ADAD1: variants seen among roughly 807,000 people sequenced by gnomAD.
ADAD1 encodes the protein adenosine deaminase domain-containing protein 1.
A neutral mutation model predicts 66.8 loss-of-function variants in ADAD1; 46 were observed. The observed-to-expected ratio is 0.69, with a 90% CI of 0.54 to 0.88. The LOEUF (loss-of-function observed/expected upper bound fraction) is 0.88, where lower values mean the gene tolerates loss of function less well. ADAD1 is among the 40% of genes least tolerant of loss of function. The pLI is 0.00. For synonymous variants in ADAD1, 248 were observed against 229.4 expected (o/e 1.08, Z -0.73); for missense variants, 617 against 681.8 (o/e 0.91, Z 1.06).
At chr4:122,418,154 CA>C (rs1796829202) in intron 11 of ADAD1, among the ~76,000 whole-genome samples, 1 of 151,678 alleles carries the variant, frequency 6.6e-6, no homozygotes, top group South Asian at 2.1e-4. Context: ...GATAAGGATG[CA>C]ATCAGAAATA....
chr4:122,383,565 A>G (rs561713601), intron 4 of ADAD1, among the ~76,000 whole-genome samples: 9 of 152,262 alleles, frequency 5.9e-5, no homozygotes, highest in Admixed American at 2.0e-4. Context: ...TACTGGCCCT[A>G]TTGCTCACAC....
intron 5 of ADAD1, among the ~76,000 whole-genome samples, chr4:122,386,640 GTTT>G (rs1361888277): frequency 1.3e-5 from 2 of 152,168 alleles, no homozygotes; most frequent in Non-Finnish European, 2.9e-5. Flanking sequence ...TATTGCCTAG[GTTT>G]TCTTCTAGGG....
At chr4:122,392,831 A>G (rs1282708706) in intron 5 of ADAD1, among the ~76,000 whole-genome samples, 1 of 152,212 alleles carries the variant, frequency 6.6e-6, no homozygotes, top group Non-Finnish European at 1.5e-5. Flanking sequence ...GCGTCTATGT[A>G]TCTAAACCAT....
At chr4:122,381,854 G>T (rs1000656486) in intron 4 of ADAD1, among the ~76,000 whole-genome samples, 1 of 152,068 alleles carries the variant, frequency 6.6e-6, no homozygotes, top group African/African-American at 2.4e-5. Flanking sequence ...ATATGTACAT[G>T]TGTGTGTGTT....
intron 7 of ADAD1, among the ~76,000 whole-genome samples, chr4:122,396,761 C>T (rs753688850): frequency 2.0e-5 from 3 of 152,080 alleles, no homozygotes; most frequent in African/African-American, 4.8e-5. Context: ...CTTGTGTTAA[C>T]GCTTTAATGT....
intron 7 of ADAD1, among the ~76,000 whole-genome samples, chr4:122,407,606 G>A (rs1796275302): frequency 6.6e-6 from 1 of 152,132 alleles, no homozygotes; most frequent in African/African-American, 2.4e-5. Flanking sequence ...AGATGTAGAA[G>A]AAATAGAAAG....
intron 7 of ADAD1, among the ~76,000 whole-genome samples, chr4:122,406,119 G>A (rs983781241): frequency 2.0e-5 from 3 of 152,088 alleles, no homozygotes; most frequent in African/African-American, 7.2e-5. Context: ...GGATTATATG[G>A]CAAGTTATAT....
chr4:122,412,881 T>C, intron 10 of ADAD1, 72 bp downstream of exon 10: 1 of 1,316,050 alleles, frequency 7.6e-7, no homozygotes, highest in Non-Finnish European at 1.1e-6. Flanking sequence ...CTTATCAGTA[T>C]AAAATTAGTT....
At chr4:122,388,936 C>T (rs534981338) in intron 5 of ADAD1, among the ~76,000 whole-genome samples, 8 of 151,944 alleles carry the variant, frequency 5.3e-5, no homozygotes, top group South Asian at 2.1e-4. Flanking sequence ...CTCTTGCCTC[C>T]GAAGCTCTTT....
rs971446736 is a variant in ADAD1 at position 122,422,363 on chromosome 4, G to A, written c.1617+973G>A. Among the ~76,000 whole-genome samples the A allele has an allele frequency of 4.6e-5, 7 of 152,260 alleles. No individual in the cohort carries two copies. The East Asian group carries it at 9.7e-4, about 21-fold the overall frequency. ...TGGTCTTGAACTCCTCACGTCAGGT[G>A]ATCCACCCGCCTCAGCCTCCCAGAG... On this transcript the variant is annotated intron_variant, in intron 12 of 12. Transcript: ENST00000296513.
At chr4:122,414,279 G>C (rs1442605125) in intron 10 of ADAD1, among the ~76,000 whole-genome samples, 2 of 128,298 alleles carry the variant, frequency 1.6e-5, no homozygotes, top group Non-Finnish European at 3.3e-5. Context: ...TTTTTTTGGG[G>C]GGGGGGGTAC....
Position 122,415,624 on chromosome 4 carries a change from T to C in ADAD1, c.1487+8T>C. On this transcript the variant is annotated splice_region_variant and intron_variant, in intron 11 of 12. Transcript: ENST00000296513. The stretch of plus-strand genomic sequence containing the variant: ...TGGGAAGATCACTGAAAGGTTAAAA[T>C]TACTAATTTCTTTAAACCATATATT... The C allele has an allele frequency of 6.2e-7, 1 of 1,606,136 alleles. No homozygotes were observed. The highest frequency in any genetic ancestry group is 8.5e-7 in the Non-Finnish European group (1 of 1,173,442).
At chr4:122,401,845 A>C (rs574884114) in intron 7 of ADAD1, among the ~76,000 whole-genome samples, 1 of 152,130 alleles carries the variant, frequency 6.6e-6, no homozygotes, top group East Asian at 1.9e-4. Context: ...ATTTGCATGG[A>C]GTATCTTTTT....
chr4:122,408,072 C>T, intron 8 of ADAD1, 41 bp downstream of exon 8: 1 of 1,564,084 alleles, frequency 6.4e-7, no homozygotes, highest in Non-Finnish European at 8.7e-7. Flanking sequence ...ATATGAATGC[C>T]CTCAGCCCAA....
Position 122,407,976 on chromosome 4 carries a change from G to T in ADAD1, c.793G>T (p.Gly265Ter). 6.2e-7 allele frequency: 1 copy of T among 1,613,742 alleles called. No homozygotes were observed. Among genetic ancestry groups the T allele is most frequent in the Non-Finnish European group, 8.5e-7 (1 of 1,179,814 alleles). The change falls in exon 8 of 13, where the codon GGA becomes TGA. Residue 265 changes from glycine to a stop codon, truncating the protein, a stop_gained. Coordinates refer to ENST00000296513, the MANE Select transcript of ADAD1 (RefSeq NM_139243.4). LOFTEE classifies it high-confidence loss of function. ...TTACAGCCAGGACATTAAGCCAGATGGAAGAGTATTGCATGACACTCATGC... is the reference window on the plus strand; with the variant it reads ...TTACAGCCAGGACATTAAGCCAGATTGAAGAGTATTGCATGACACTCATGC... ...YNYSQDIKPD[G>*]RVLHDTHAVV...
intron 12 of ADAD1, 68 bp from the exon 13 acceptor site, chr4:122,429,558 A>T (rs955356546): frequency 2.2e-6 from 2 of 915,312 alleles, no homozygotes; most frequent in African/African-American, 3.3e-5. Flanking sequence ...AAGAAACAGT[A>T]TTGGGGCTAC....
At chr4:122,393,440 C>A in intron 5 of ADAD1, 149 bp from the exon 6 acceptor site, 1 of 498,710 alleles carries the variant, frequency 2.0e-6, no homozygotes, top group Non-Finnish European at 3.4e-6. Flanking sequence ...TTTATCAGGG[C>A]TGAGCTAATG....
At chr4:122,418,273 A>G (rs1052636288) in intron 11 of ADAD1, among the ~76,000 whole-genome samples, 1 of 151,118 alleles carries the variant, frequency 6.6e-6, no homozygotes, top group Non-Finnish European at 1.5e-5. Flanking sequence ...CAAAACTTAT[A>G]TATAGAAGGA....
chr4:122,389,574 T>C (rs1344432677), intron 5 of ADAD1, among the ~76,000 whole-genome samples: 1 of 152,256 alleles, frequency 6.6e-6, no homozygotes, highest in African/African-American at 2.4e-5. Flanking sequence ...AATAGTTAGC[T>C]CTTCTTGGTG....
Sources: gnomAD v4.1 joint callset for allele counts (sites outside exome capture counted in the v4.1 genomes callset) on GRCh38, gnomAD v4.1.1 for gene constraint, MANE v1.5 for transcripts, NCBI Gene and HGNC (gene_info 2026-07-23, HGNC 2026-07-21) for gene names.